The following EIF3M variants were observed in gnomAD, a reference collection of about 807,000 sequenced individuals.
EIF3M encodes the protein eukaryotic translation initiation factor 3 subunit M, also known as B5 receptor.
EIF3M carries 25 observed loss-of-function variants against 49.7 expected under a neutral mutation model. The ratio of observed to expected loss-of-function variants is 0.50; its 90% CI spans 0.37 to 0.70. The LOEUF (loss-of-function observed/expected upper bound fraction) is 0.70, where lower values mean the gene tolerates loss of function less well. Among genes scored for constraint, EIF3M ranks in the 30% least tolerant of loss-of-function variants. The pLI, the probability that EIF3M is intolerant of heterozygous loss-of-function variation, is 0.00. For missense variants in EIF3M, 350 were observed against 440.0 expected, an observed-to-expected ratio of 0.80 and a Z score of 1.83; for synonymous variants, 156 against 149.8, an observed-to-expected ratio of 1.04 and a Z score of -0.30.
At chr11:32,592,306 T>C (rs1855115716) in intron 5 of EIF3M, 2 of 528,882 alleles carry the variant, frequency 3.8e-6, no homozygotes, top group African/African-American at 1.9e-5. Context: ...CACAATTTTA[T>C]CATGATCATC....
Position 32,602,923 on chromosome 11 carries a change from A to G in EIF3M, c.*524A>G. On this transcript the variant is annotated 3_prime_UTR_variant, in exon 11 of 11. Coordinates refer to ENST00000531120, the MANE Select transcript of EIF3M (RefSeq NM_006360.6). The stretch of plus-strand genomic sequence containing the variant: ...ACTTTTATTTAGTTGATTCGTAATG[A>G]GGCTCTGCCAGTCATCATCACCAGA... 6.2e-7 allele frequency: 1 copy of G among 1,613,074 alleles called. No individual in the cohort carries two copies. The highest frequency in any genetic ancestry group is 1.1e-5 in the South Asian group (1 of 90,880).
intron 4 of EIF3M, 50 bp downstream of exon 4, chr11:32,589,185 T>C: frequency 6.3e-7 from 1 of 1,590,518 alleles, no homozygotes; most frequent in Non-Finnish European, 8.5e-7. Context: ...ATGTACTTTT[T>C]TTTTTTTTGA....
chr11:32,592,408 GTC>G (rs763969147), intron 5 of EIF3M: 1 of 546,796 alleles, frequency 1.8e-6, no homozygotes, highest in Non-Finnish European at 3.5e-6. Flanking sequence ...TTTCAAAGTA[GTC>G]TCTCAAATTA....
chr11:32,599,817 G>C (rs1301702211), intron 8 of EIF3M, among the ~76,000 whole-genome samples: 3 of 151,810 alleles, frequency 2.0e-5, no homozygotes, highest in Non-Finnish European at 1.5e-5. Context: ...TCTAGGCCTA[G>C]CACTGCTATT....
intron 8 of EIF3M, among the ~76,000 whole-genome samples, chr11:32,599,421 TAATTACAGCTAATTA>T (rs1855228253): frequency 6.6e-6 from 1 of 152,010 alleles, no homozygotes. Context: ...GCCTGTATCA[TAATTACAGCTAATTA>T]ACAGATGATC....
At chr11:32,599,588 T>G (rs1176043694) in intron 8 of EIF3M, among the ~76,000 whole-genome samples, 2 of 151,932 alleles carry the variant, frequency 1.3e-5, no homozygotes, top group Non-Finnish European at 2.9e-5. Context: ...GGGCACTTGA[T>G]TGATCATTTG....
chr11:32,592,813 G>T, intron 5 of EIF3M: 2 of 374,834 alleles, frequency 5.3e-6, no homozygotes, highest in South Asian at 2.1e-5. Flanking sequence ...TAGAGACAGG[G>T]TCTGACCATG....
Position 32,602,674 on chromosome 11 carries a change from C to A in EIF3M, c.*275C>A. On this transcript the variant is annotated 3_prime_UTR_variant, in exon 11 of 11. Transcript: ENST00000531120. ...GAGAGAAGACAGAAGTAGAGTAATA[C>A]AATTTCTTCACATTAGAAAAACTTG... 3.7e-6 allele frequency: 3 copies of A among 809,106 alleles called. No individual in the cohort carries two copies. The highest frequency in any genetic ancestry group is 5.7e-6 in the Non-Finnish European group (3 of 526,966). 50.1% of individuals were successfully genotyped at this position (809,106 alleles called of 1,614,324 possible). A position where few individuals can be genotyped will look rare whatever the true frequency, so the allele number is the denominator to read the frequency against.
chr11:32,594,988 T>G lies in EIF3M; in HGVS notation c.692T>G (p.Phe231Cys). ...CTTCTTACTTTAAAACCAGTCAAGT[T>G]TTTGGAAGGCGAGCTTATTCATGAT... The part of the protein sequence containing the change: ...DHLLTLKPVK[F>C]LEGELIHDLL... Residue 231 changes from phenylalanine (F) to cysteine (C), a missense_variant, in exon 7 of 11, where the codon TTT becomes TGT. Coordinates refer to ENST00000531120, the MANE Select transcript of EIF3M (RefSeq NM_006360.6). The G allele has an allele frequency of 6.2e-7, 1 of 1,613,714 alleles. No homozygotes were observed.
chr11:32,588,949 T>C lies in EIF3M; in HGVS notation c.315-63T>C, dbSNP rs1855049279. ...CCTGCCACAGGTTTGTGGTGAGAGC[T>C]AACCTCAACTTAAAACTGGTTGCTG... On this transcript the variant is annotated intron_variant, in intron 3 of 10. Transcript: ENST00000531120. 1.9e-6 allele frequency: 3 copies of C among 1,593,292 alleles called. No individual in the cohort carries two copies. The Admixed American group carries it at 5.1e-5, about 27-fold the overall frequency.
At chr11:32,590,346 G>C (rs1249401318) in intron 5 of EIF3M, among the ~76,000 whole-genome samples, 1 of 152,176 alleles carries the variant, frequency 6.6e-6, no homozygotes, top group Non-Finnish European at 1.5e-5. Flanking sequence ...AGCTTGCAAA[G>C]CTTAAAATAT....
At chr11:32,592,412 C>G in intron 5 of EIF3M, 4 of 548,864 alleles carry the variant, frequency 7.3e-6, no homozygotes, top group South Asian at 5.7e-5. Flanking sequence ...AAAGTAGTCT[C>G]TCAAATTATG....
At position 32,604,807 on chromosome 11, in the gene EIF3M, G is replaced by A. The variant is rs1377911611; in HGVS notation, c.*2408G>A. The A allele has an allele frequency of 1.3e-5, 2 of 152,178 alleles. No homozygotes were observed. The highest frequency in any genetic ancestry group is 2.9e-5 in the Non-Finnish European group (2 of 68,020). 9.4% of individuals were successfully genotyped at this position (152,178 alleles called of 1,614,324 possible). On this transcript the variant is annotated 3_prime_UTR_variant, in exon 11 of 11. Coordinates refer to ENST00000531120, the MANE Select transcript of EIF3M (RefSeq NM_006360.6). ...TCAATTTGACCAGTAAAAGTGGCAT[G>A]TTAGTAACATTGTCATTTTCAGTGT...
chr11:32,594,758 C>G (rs980669161), intron 6 of EIF3M, 156 bp from the exon 7 acceptor site: 10 of 501,248 alleles, frequency 2.0e-5, no homozygotes, highest in Admixed American at 3.9e-5. Context: ...ATGTGTTGGC[C>G]TGTCTTAACC....
At chr11:32,592,582 C>A (rs974748618) in intron 5 of EIF3M, 1 of 541,614 alleles carries the variant, frequency 1.8e-6, no homozygotes, top group African/African-American at 1.9e-5. Context: ...ACCTCTTCAA[C>A]ACAAGAGTAA....
chr11:32,584,071 G>A, intron 1 of EIF3M, 142 bp downstream of exon 1: 1 of 1,160,726 alleles, frequency 8.6e-7, no homozygotes, highest in Non-Finnish European at 1.2e-6. Flanking sequence ...GCCGGTGGCT[G>A]GGGCGCGCGT....
At chr11:32,583,956 A>C (rs1181869815) in intron 1 of EIF3M, 27 bp downstream of exon 1, 35 of 1,613,344 alleles carry the variant, frequency 2.2e-5, no homozygotes, top group Non-Finnish European at 2.9e-5. Flanking sequence ...GGGTGCCGCC[A>C]CGGTGGGGTG....
intron 3 of EIF3M, 48 bp downstream of exon 3, chr11:32,588,780 A>G (rs746362517): frequency 3.1e-6 from 5 of 1,611,136 alleles, no homozygotes; most frequent in African/African-American, 2.7e-5. Context: ...TGCTTTTTTC[A>G]TGTTACTAAC....
chr11:32,602,440 C>G lies in EIF3M; in HGVS notation c.*41C>G. The stretch of plus-strand genomic sequence containing the variant: ...ATTTTTGTTCTTTGAAAAAAAAGCC[C>G]TAAATCATAGTAAAACATTATAAAC... On this transcript the variant is annotated 3_prime_UTR_variant, in exon 11 of 11. Coordinates refer to ENST00000531120, the MANE Select transcript of EIF3M (RefSeq NM_006360.6). 1 of 1,593,594 alleles carries G rather than the reference C, an allele frequency of 6.3e-7. No homozygotes were observed. Among genetic ancestry groups the G allele is most frequent in the East Asian group, 2.2e-5 (1 of 44,520 alleles).
Sources: gnomAD v4.1 joint callset for allele counts (sites outside exome capture counted in the v4.1 genomes callset) on GRCh38, gnomAD v4.1.1 for gene constraint, MANE v1.5 for transcripts, NCBI Gene and HGNC (gene_info 2026-07-23, HGNC 2026-07-21) for gene names.